SH3PXD2B: variants seen among roughly 807,000 people sequenced by gnomAD.
SH3PXD2B encodes the protein SH3 and PX domain-containing protein 2B.
Under a neutral mutation model 73.1 loss-of-function variants are expected in SH3PXD2B, and 37 were observed. The ratio of observed to expected loss-of-function variants is 0.51; its 90% confidence interval spans 0.39 to 0.67. The LOEUF is 0.67. Ranked by LOEUF, SH3PXD2B falls within the 30% of genes least tolerant of loss-of-function variation. The pLI is 0.00. For missense variants in SH3PXD2B, 1,053 were observed against 1,197.8 expected, an observed-to-expected ratio of 0.88 and a Z score of 1.78; for synonymous variants, 457 against 480.5, an observed-to-expected ratio of 0.95 and a Z score of 0.64.
chr5:172,368,586 AT>A (rs1757609421), intron 6 of SH3PXD2B, among the ~76,000 whole-genome samples: 1 of 16,428 alleles, frequency 6.1e-5, no homozygotes, highest in Non-Finnish European at 8.1e-5. Flanking sequence ...ATATATATAT[AT>A]AAAATATGTT....
chr5:172,352,011 G>C (rs998977679), intron 9 of SH3PXD2B, among the ~76,000 whole-genome samples: 1 of 152,100 alleles, frequency 6.6e-6, no homozygotes, highest in African/African-American at 2.4e-5. Flanking sequence ...AGAAGGGAAT[G>C]GGCTGAAATC....
chr5:172,435,155 T>C lies in SH3PXD2B; in HGVS notation c.76-12659A>G, dbSNP rs188513988. On this transcript the variant is annotated intron_variant, in intron 1 of 12. Transcript: ENST00000311601. ...CACTAGCCAGGAAGAACTTAACACA[T>C]TGATTTTTCTCTTTCTTTTGAATTT... 1.7e-4 allele frequency among the ~76,000 whole-genome samples: 26 copies of C among 152,304 alleles called. No individual in the cohort carries two copies. The East Asian group carries it at 3.1e-3, about 18-fold the overall frequency.
chr5:172,433,287 C>T (rs545632030), intron 1 of SH3PXD2B, among the ~76,000 whole-genome samples: 4 of 152,206 alleles, frequency 2.6e-5, no homozygotes, highest in African/African-American at 7.2e-5. Flanking sequence ...GTGATATTCA[C>T]GTGATGAAAC....
intron 3 of SH3PXD2B, among the ~76,000 whole-genome samples, chr5:172,397,518 T>C (rs145458936): frequency 0.041 from 6,315 of 152,280 alleles, 172 homozygotes; most frequent in Non-Finnish European, 0.063. Context: ...TTGGGGGGCA[T>C]CACAGAACCT....
At chr5:172,329,537 A>ATTTTTT (rs1189125823), downstream of SH3PXD2B, among the ~76,000 whole-genome samples, 3 of 62,960 alleles carry the variant, frequency 4.8e-5, no homozygotes, top group Admixed American at 1.6e-4. Context: ...GATCTTTGTT[A>ATTTTTT]TTCTTTTTTT....
At chr5:172,427,507 G>C (rs1343675950) in intron 1 of SH3PXD2B, among the ~76,000 whole-genome samples, 1 of 152,070 alleles carries the variant, frequency 6.6e-6, no homozygotes, top group Non-Finnish European at 1.5e-5. Context: ...CATTATGCCT[G>C]GTTAATTTTA....
At chr5:172,399,512 C>T (rs928795279) in intron 3 of SH3PXD2B, among the ~76,000 whole-genome samples, 8 of 152,226 alleles carry the variant, frequency 5.3e-5, no homozygotes, top group African/African-American at 9.6e-5. Flanking sequence ...AAAAGACGTC[C>T]GCGTCAGAGA....
At chr5:172,433,061 A>C (rs925494427) in intron 1 of SH3PXD2B, among the ~76,000 whole-genome samples, 4 of 152,216 alleles carry the variant, frequency 2.6e-5, no homozygotes, top group Admixed American at 6.5e-5. Context: ...TGGTTCCGTA[A>C]GATTATAACA....
At chr5:172,350,315 G>A in intron 10 of SH3PXD2B, 48 bp downstream of exon 10, 1 of 1,584,818 alleles carries the variant, frequency 6.3e-7, no homozygotes. Context: ...GCACAGAGCT[G>A]GCACACAGGG....
In SH3PXD2B at chr5:172,337,807, G is replaced by A; in HGVS notation, c.*562C>T. On this transcript the variant is annotated 3_prime_UTR_variant, in exon 13 of 13. Transcript: ENST00000311601. Reference sequence around the variant, plus strand: ...AACCTCAGAGGCCCACGGGCCTGAGGCTTTGGGGAAGGGGACACTTTCCCT... The same window carrying A: ...AACCTCAGAGGCCCACGGGCCTGAGACTTTGGGGAAGGGGACACTTTCCCT... 6.0e-6 allele frequency: 6 copies of A among 1,000,212 alleles called. No homozygotes were observed. Among genetic ancestry groups the A allele is most frequent in the Non-Finnish European group, 6.0e-6 (5 of 838,334 alleles). The allele number at this position is 1,000,212 out of a possible 1,614,324, so 62.0% of individuals were successfully genotyped here.
chr5:172,328,982 T>C (rs1554133331), downstream of SH3PXD2B, among the ~76,000 whole-genome samples: 2 of 150,980 alleles, frequency 1.3e-5, no homozygotes, highest in East Asian at 1.9e-4. Context: ...ATGTATTTTG[T>C]ACATGTTAAC....
At position 172,337,820 on chromosome 5, in the gene SH3PXD2B, G is replaced by C. The variant is rs979804052; in HGVS notation, c.*549C>G. The stretch of plus-strand genomic sequence containing the variant: ...CACGGGCCTGAGGCTTTGGGGAAGG[G>C]GACACTTTCCCTGGAACTGGTAATG... On this transcript the variant is annotated 3_prime_UTR_variant, in exon 13 of 13. Coordinates refer to ENST00000311601, the MANE Select transcript of SH3PXD2B (RefSeq NM_001017995.3). The C allele has an allele frequency of 5.7e-5, 57 of 999,788 alleles. No homozygotes were observed. In the African/African-American group the frequency reaches 6.3e-4, roughly 11 times the overall value. 61.9% of individuals were successfully genotyped at this position (999,788 alleles called of 1,614,324 possible).
intron 1 of SH3PXD2B, among the ~76,000 whole-genome samples, chr5:172,448,690 C>G (rs1247047827): frequency 1.3e-5 from 2 of 152,206 alleles, no homozygotes; most frequent in Non-Finnish European, 2.9e-5. Flanking sequence ...CATACATCAC[C>G]AAAAGCCTGC....
chr5:172,391,272 A>C (rs1245060181), intron 4 of SH3PXD2B, among the ~76,000 whole-genome samples: 2 of 152,212 alleles, frequency 1.3e-5, no homozygotes. Flanking sequence ...TTGCATTCCC[A>C]TAATGACTAA....
intron 5 of SH3PXD2B, among the ~76,000 whole-genome samples, chr5:172,375,339 G>C (rs1291066690): frequency 6.6e-6 from 1 of 152,174 alleles, no homozygotes; most frequent in Admixed American, 6.5e-5. Context: ...CAGCCTGGGA[G>C]ACAGACCGAG....
intron 1 of SH3PXD2B, among the ~76,000 whole-genome samples, chr5:172,443,822 A>T (rs1010319059): frequency 1.3e-5 from 2 of 152,240 alleles, no homozygotes; most frequent in Non-Finnish European, 2.9e-5. Context: ...AAAACAGAAA[A>T]TACCATGCTT....
intron 2 of SH3PXD2B, among the ~76,000 whole-genome samples, chr5:172,407,803 A>G (rs904103534): frequency 1.3e-5 from 2 of 152,238 alleles, no homozygotes; most frequent in African/African-American, 4.8e-5. Context: ...ACTATCTGCC[A>G]GACATGGGCT....
chr5:172,363,484 C>G (rs142470471), intron 6 of SH3PXD2B, among the ~76,000 whole-genome samples: 1 of 151,996 alleles, frequency 6.6e-6, no homozygotes, highest in Non-Finnish European at 1.5e-5. Flanking sequence ...ATTATGTAAG[C>G]GTTAGTTTAT....
chr5:172,349,229 A>G (rs970844597), intron 10 of SH3PXD2B, among the ~76,000 whole-genome samples: 1 of 152,206 alleles, frequency 6.6e-6, no homozygotes, highest in Non-Finnish European at 1.5e-5. Context: ...CGGACTCAAG[A>G]AGTTCACTGC....
Sources: gnomAD v4.1 joint callset for allele counts (sites outside exome capture counted in the v4.1 genomes callset) on GRCh38, gnomAD v4.1.1 for gene constraint, MANE v1.5 for transcripts, NCBI Gene and HGNC (gene_info 2026-07-23, HGNC 2026-07-21) for gene names.